The following EBF4 variants were observed in gnomAD, a reference collection of about 807,000 sequenced individuals.
EBF4 encodes the protein EBF transcription factor 4, also known as transcription factor COE4.
Under a neutral mutation model 67.1 loss-of-function variants are expected in EBF4, and 34 were observed. The ratio of observed to expected loss-of-function variants is 0.51; its 90% confidence interval spans 0.39 to 0.67. The LOEUF is 0.67. EBF4 is among the 30% of genes least tolerant of loss of function. The pLI, the probability that EBF4 is intolerant of heterozygous loss-of-function variation, is 0.00. For missense variants in EBF4, 837 were observed against 873.3 expected (o/e 0.96, Z 0.52); for synonymous variants, 387 against 377.7 (o/e 1.02, Z -0.29).
intron 1 of EBF4, among the ~76,000 whole-genome samples, chr20:2,695,931 C>A (rs1568563730): frequency 6.6e-6 from 1 of 152,156 alleles, no homozygotes; most frequent in Admixed American, 6.5e-5. Flanking sequence ...TAGGAATGTT[C>A]TTTTCCGTGT....
chr20:2,752,376 CAG>C lies in EBF4; in HGVS notation c.1372_1373del (p.Ser458ArgfsTer60). ...TCGCAGGCTACGCGCGCAGCTGCAGCAGCGCGTCCCCCCGCGGGTTCGCGCCC... is the reference window on the plus strand; with the variant it reads ...TCGCAGGCTACGCGCGCAGCTGCAGCCGCGTCCCCCCGCGGGTTCGCGCCC... On this transcript the variant is annotated frameshift_variant, in exon 14 of 17. Transcript: ENST00000609451. LOFTEE classifies it high-confidence loss of function. 8.1e-7 allele frequency: 1 copy of C among 1,235,680 alleles called. No homozygotes were observed. The highest frequency in any genetic ancestry group is 1.0e-6 in the Non-Finnish European group (1 of 991,458). The allele number at this position is 1,235,680 out of a possible 1,614,324, so 76.5% of individuals were successfully genotyped here. A position where few individuals can be genotyped will look rare whatever the true frequency, so the allele number is the denominator to read the frequency against.
At chr20:2,740,311 TC>T (rs1000229546) in intron 6 of EBF4, among the ~76,000 whole-genome samples, 26 of 148,184 alleles carry the variant, frequency 1.8e-4, no homozygotes, top group African/African-American at 6.2e-4. Flanking sequence ...AGACTCCGTT[TC>T]AAAAAAAAAA....
chr20:2,727,995 A>T (rs2087767312), intron 6 of EBF4, among the ~76,000 whole-genome samples: 2 of 152,208 alleles, frequency 1.3e-5, no homozygotes, highest in Non-Finnish European at 2.9e-5. Flanking sequence ...CAAATATTTT[A>T]TCCCATTCTA....
intron 6 of EBF4, among the ~76,000 whole-genome samples, chr20:2,741,997 T>A (rs1385970985): frequency 6.6e-6 from 1 of 152,190 alleles, no homozygotes; most frequent in Non-Finnish European, 1.5e-5. Context: ...TGCAACCCTG[T>A]TGAATTTGTA....
At position 2,707,513 on chromosome 20, in the gene EBF4, G is replaced by A. The variant is rs2087475874; in HGVS notation, c.415-434G>A. ...GCTGACTGGGCTGGCAGGGATAGCT[G>A]AGAAGGACAACACTCATCAACAGAA... On this transcript the variant is annotated intron_variant, in intron 4 of 16. Transcript: ENST00000609451. The surrounding 1 kb of genome is among the most constrained non-coding windows in gnomAD (Gnocchi z 4.6). Among the ~76,000 whole-genome samples, 1 of 152,036 alleles carries A rather than the reference G, an allele frequency of 6.6e-6. No homozygotes were observed. Among genetic ancestry groups the A allele is most frequent in the Admixed American group, 6.5e-5 (1 of 15,280 alleles).
rs963540337 is a variant in EBF4, at chr20:2,751,869, G to C, written c.1108-53G>C. Reference sequence around the variant, plus strand: ...GAGGAGGGGCTCCCGAGGGCCCCTTGGTCGCCCCCAGGGGCTGCCCCTCCG... The same window carrying C: ...GAGGAGGGGCTCCCGAGGGCCCCTTCGTCGCCCCCAGGGGCTGCCCCTCCG... On this transcript the variant is annotated intron_variant, in intron 11 of 16. Transcript: ENST00000609451. This position sits in a 1 kb window ranked among gnomAD's most constrained non-coding sequence, Gnocchi z 5.2. The C allele has an allele frequency of 3.7e-5, 58 of 1,547,340 alleles. No individual in the cohort carries two copies. In the Admixed American group the frequency reaches 1.1e-3, roughly 29 times the overall value.
intron 1 of EBF4, among the ~76,000 whole-genome samples, chr20:2,697,552 A>AG (rs1555784817): frequency 2.0e-5 from 3 of 147,154 alleles, no homozygotes; most frequent in Non-Finnish European, 4.5e-5. Flanking sequence ...CTCAAAAAAA[A>AG]AAAGAAAGAA....
At chr20:2,723,498 C>CT (rs2087710076) in intron 6 of EBF4, among the ~76,000 whole-genome samples, 1 of 151,772 alleles carries the variant, frequency 6.6e-6, no homozygotes, top group Admixed American at 6.6e-5. Flanking sequence ...CTACAGGCGC[C>CT]GCCACCACGC....
In EBF4 at chr20:2,696,740, C is replaced by T. The variant is rs1216469019; in HGVS notation, c.137+2958C>T. Reference sequence around the variant, plus strand: ...GGATTAAGTCTCACCAGCCTCAGGACTCCCTCTTACACCCACCGACCCCAG... The same window carrying T: ...GGATTAAGTCTCACCAGCCTCAGGATTCCCTCTTACACCCACCGACCCCAG... On this transcript the variant is annotated intron_variant, in intron 1 of 16. Coordinates refer to ENST00000609451, the Ensembl canonical transcript of EBF4. The surrounding 1 kb of genome is among the most constrained non-coding windows in gnomAD (Gnocchi z 4.7). Among the ~76,000 whole-genome samples the T allele has an allele frequency of 6.6e-6, 1 of 152,180 alleles. No homozygotes were observed. Among genetic ancestry groups the T allele is most frequent in the African/African-American group, 2.4e-5 (1 of 41,442 alleles).
Position 2,755,771 on chromosome 20 carries a change from C to T in EBF4, c.1685C>T (p.Pro562Leu). Reference sequence around the variant, plus strand: ...AGCGCCTTCGCCCCCGTGCTGCGCCCCCCAAGCTCCCCACCCCAGGCCTGC... The same window carrying T: ...AGCGCCTTCGCCCCCGTGCTGCGCCTCCCAAGCTCCCCACCCCAGGCCTGC... The change falls in exon 15 of 17, where the codon CCC (proline) becomes CTC (leucine). Residue 562 changes from proline (P) to leucine (L), a missense_variant. Pro to Leu is a moderately conservative substitution (Grantham distance 98, BLOSUM62 -3). Coordinates refer to ENST00000609451, the Ensembl canonical transcript of EBF4. This position sits in a 1 kb window ranked among gnomAD's most constrained non-coding sequence, Gnocchi z 4.7. 6.5e-7 allele frequency: 1 copy of T among 1,550,320 alleles called. No homozygotes were observed. Among genetic ancestry groups the T allele is most frequent in the Non-Finnish European group, 8.7e-7 (1 of 1,146,958 alleles).
rs1048308291 is a variant in EBF4, at chr20:2,707,901, A to C, written c.415-46A>C. On this transcript the variant is annotated intron_variant, in intron 4 of 16. Coordinates refer to ENST00000609451, the Ensembl canonical transcript of EBF4. This position sits in a 1 kb window ranked among gnomAD's most constrained non-coding sequence, Gnocchi z 4.6. ...CCGTCTGTGCTGCCACCTGCACCTC[A>C]GAGGAGCCTCCTTCCCCTCCAGCCT... 6.5e-7 allele frequency: 1 copy of C among 1,529,234 alleles called. No homozygotes were observed. Among genetic ancestry groups the C allele is most frequent in the Non-Finnish European group, 8.8e-7 (1 of 1,130,006 alleles). The allele number at this position is 1,529,234 out of a possible 1,614,324, so 94.7% of individuals were successfully genotyped here. A position where few individuals can be genotyped will look rare whatever the true frequency, so the allele number is the denominator to read the frequency against.
At chr20:2,702,445 A>C (rs1427842952) in intron 1 of EBF4, among the ~76,000 whole-genome samples, 1 of 151,438 alleles carries the variant, frequency 6.6e-6, no homozygotes, top group Admixed American at 6.6e-5. Context: ...AAAAAAAGAT[A>C]CTGGAGGTCC....
chr20:2,693,665 C>T lies in EBF4; in HGVS notation c.20C>T (p.Ala7Val), dbSNP rs1568562526. ...GCCCTCATGTTCCCTGCGCAGGACG[C>T]TCTGCCCCGCAGCGGGCTGAACCTG... The change falls in exon 1 of 17, where the codon GCT becomes GTT. Residue 7 changes from alanine to valine, a missense_variant. Coordinates refer to ENST00000609451, the Ensembl canonical transcript of EBF4. The surrounding 1 kb of genome is among the most constrained non-coding windows in gnomAD (Gnocchi z 4.6). The T allele has an allele frequency of 1.4e-6, 2 of 1,446,214 alleles. No homozygotes were observed. Among genetic ancestry groups the T allele is most frequent in the South Asian group, 1.4e-5 (1 of 73,768 alleles). 89.6% of individuals were successfully genotyped at this position (1,446,214 alleles called of 1,614,324 possible). A position where few individuals can be genotyped will look rare whatever the true frequency, so the allele number is the denominator to read the frequency against.
rs998833693 is a variant in EBF4 at position 2,739,181 on chromosome 20, G to A, written c.558-9368G>A. Among the ~76,000 whole-genome samples the A allele has an allele frequency of 1.3e-5, 2 of 152,146 alleles. No homozygotes were observed. The highest frequency in any genetic ancestry group is 2.9e-5 in the Non-Finnish European group (2 of 68,024). On this transcript the variant is annotated intron_variant, in intron 6 of 16. Coordinates refer to ENST00000609451, the Ensembl canonical transcript of EBF4. The surrounding 1 kb of genome is among the most constrained non-coding windows in gnomAD (Gnocchi z 4.5). ...CCTTTGGTGCCTGTTTCTGCCTGAAGGGAGACATCCCCTGTAGCCTTCCCA... is the reference window on the plus strand; with the variant it reads ...CCTTTGGTGCCTGTTTCTGCCTGAAAGGAGACATCCCCTGTAGCCTTCCCA...
At position 2,751,834 on chromosome 20, in the gene EBF4, G is replaced by A. The variant is rs1404302211; in HGVS notation, c.1107+46G>A. 1.3e-6 allele frequency: 2 copies of A among 1,548,706 alleles called. No individual in the cohort carries two copies. The highest frequency in any genetic ancestry group is 2.4e-5 in the East Asian group (1 of 40,912). On this transcript the variant is annotated intron_variant, in intron 11 of 16. Transcript: ENST00000609451. This position sits in a 1 kb window ranked among gnomAD's most constrained non-coding sequence, Gnocchi z 5.2. Reference sequence around the variant, plus strand: ...GGGCGGGGCTGAGGGTGTCCTGTGGGCAAGGGGGTGAGGAGGGGCTCCCGA... The same window carrying A: ...GGGCGGGGCTGAGGGTGTCCTGTGGACAAGGGGGTGAGGAGGGGCTCCCGA...
rs913148864 is a variant in EBF4, at chr20:2,747,617, A to G, written c.558-932A>G. Among the ~76,000 whole-genome samples the G allele has an allele frequency of 2.0e-5, 3 of 152,234 alleles. No homozygotes were observed. Among genetic ancestry groups the G allele is most frequent in the African/African-American group, 7.2e-5 (3 of 41,464 alleles). On this transcript the variant is annotated intron_variant, in intron 6 of 16. Coordinates refer to ENST00000609451, the Ensembl canonical transcript of EBF4. This position sits in a 1 kb window ranked among gnomAD's most constrained non-coding sequence, Gnocchi z 4.6. ...GTATGATTAAGCTTTTCCTATGTGT[A>G]TAATGGATATAAAATGTGTGGGAGG...
intron 6 of EBF4, among the ~76,000 whole-genome samples, chr20:2,738,509 A>G (rs1038446143): frequency 6.6e-6 from 1 of 152,124 alleles, no homozygotes; most frequent in African/African-American, 2.4e-5. Context: ...GTGTCCACAC[A>G]GGCACACCAT....
exon 14 of EBF4, chr20:2,752,496 T>G: frequency 7.9e-7 from 1 of 1,258,904 alleles, no homozygotes; most frequent in Non-Finnish European, 1.0e-6. Context: ...TCGGCGTGCC[T>G]GGGTCCCCCA....
At chr20:2,758,844 GT>G (rs1250744318) in intron 15 of EBF4, 64 bp from the exon 16 acceptor site, 1 of 1,405,398 alleles carries the variant, frequency 7.1e-7, no homozygotes, top group Admixed American at 2.0e-5. Context: ...AGCCCAGAGA[GT>G]GACAGGCAGG....
Sources: gnomAD v4.1 joint callset for allele counts (sites outside exome capture counted in the v4.1 genomes callset) on GRCh38, gnomAD v4.1.1 for gene constraint, Gnocchi (gnomAD v3.1) non-coding constraint, MANE v1.5 for transcripts, NCBI Gene and HGNC (gene_info 2026-07-23, HGNC 2026-07-21) for gene names.